The following DIP2B variants were observed in gnomAD, a reference collection of about 807,000 sequenced individuals.
The protein encoded by DIP2B is disco-interacting protein 2 homolog B.
A neutral mutation model predicts 198.0 loss-of-function variants in DIP2B; 76 were observed. The observed-to-expected ratio is 0.38, with a 90% CI of 0.32 to 0.46. The LOEUF is 0.46. Among genes scored for constraint, DIP2B ranks in the 20% least tolerant of loss-of-function variants. DIP2B has a pLI of 0.99. For missense variants in DIP2B, 1,559 were observed against 1,978.4 expected, an observed-to-expected ratio of 0.79 and a Z score of 4.02; for synonymous variants, 701 against 739.1, an observed-to-expected ratio of 0.95 and a Z score of 0.84.
intron 1 of DIP2B, among the ~76,000 whole-genome samples, chr12:50,541,524 G>A (rs1958325952): frequency 6.6e-6 from 1 of 151,444 alleles, no homozygotes; most frequent in Non-Finnish European, 1.5e-5. Context: ...GCTTACTGTA[G>A]CTCTTCATAT....
At chr12:50,632,971 A>G (rs75857907) in intron 2 of DIP2B, among the ~76,000 whole-genome samples, 294 of 151,688 alleles carry the variant, frequency 1.9e-3, no homozygotes, top group African/African-American at 6.9e-3. Flanking sequence ...TAGAGACAGG[A>G]TCTCGCTATG....
At chr12:50,566,135 T>C (rs979707388) in intron 1 of DIP2B, among the ~76,000 whole-genome samples, 8 of 152,152 alleles carry the variant, frequency 5.3e-5, no homozygotes, top group Admixed American at 5.2e-4. Context: ...CTCAACCTCC[T>C]GAACTCAAGT....
chr12:50,570,702 C>T (rs576771889), intron 1 of DIP2B, among the ~76,000 whole-genome samples: 12 of 152,318 alleles, frequency 7.9e-5, no homozygotes, highest in African/African-American at 1.2e-4. Flanking sequence ...GAGTGAAACT[C>T]GGTCCCCCAA....
At chr12:50,697,261 G>C in intron 17 of DIP2B, 86 bp downstream of exon 17, 1 of 1,180,096 alleles carries the variant, frequency 8.5e-7, no homozygotes, top group Non-Finnish European at 1.2e-6. Flanking sequence ...ACCAACGGAT[G>C]TTAACTAATT....
chr12:50,678,444 C>G (rs952261152), intron 7 of DIP2B, among the ~76,000 whole-genome samples: 2 of 152,088 alleles, frequency 1.3e-5, no homozygotes, highest in Admixed American at 1.3e-4. Flanking sequence ...CAGTGATTTG[C>G]TTTGTCAGGG....
rs182303692 is a variant in DIP2B, at chr12:50,715,465, C to T, written c.2851+869C>T. On this transcript the variant is annotated intron_variant, in intron 23 of 37. Transcript: ENST00000301180. ...GGCAGAAGCAACAAAGCAAGCCAAG[C>T]CACATGAGCATATTTAAAGCTTCTG... 5.9e-5 allele frequency among the ~76,000 whole-genome samples: 9 copies of T among 152,150 alleles called. No homozygotes were observed. The East Asian group carries it at 1.5e-3, about 26-fold the overall frequency.
intron 8 of DIP2B, chr12:50,679,770 A>G (rs1288709528): frequency 6.6e-6 from 1 of 152,262 alleles, no homozygotes; most frequent in African/African-American, 2.4e-5. Flanking sequence ...TTTATTTAAC[A>G]TCTATGAATA....
chr12:50,571,426 G>A (rs889799794), intron 1 of DIP2B, among the ~76,000 whole-genome samples: 1 of 152,022 alleles, frequency 6.6e-6, no homozygotes, highest in African/African-American at 2.4e-5. Flanking sequence ...CCCTGCCTTG[G>A]CCTCCCAAAG....
At chr12:50,556,526 T>G (rs1246678397) in intron 1 of DIP2B, among the ~76,000 whole-genome samples, 1 of 151,738 alleles carries the variant, frequency 6.6e-6, no homozygotes, top group African/African-American at 2.4e-5. Context: ...AAGGGCTGTT[T>G]ATTGACTTAA....
chr12:50,661,360 A>G (rs925036412), intron 4 of DIP2B, among the ~76,000 whole-genome samples: 3 of 152,100 alleles, frequency 2.0e-5, no homozygotes, highest in Admixed American at 6.5e-5. Context: ...ACAGCTGTCA[A>G]GTTGTTGAGC....
intron 22 of DIP2B, among the ~76,000 whole-genome samples, chr12:50,712,379 A>C (rs1047286081): frequency 6.8e-6 from 1 of 146,684 alleles, no homozygotes; most frequent in Non-Finnish European, 1.5e-5. Flanking sequence ...CGAGGCAGGC[A>C]GATCACTTGA....
rs371139567 is a variant in DIP2B at position 50,699,164 on chromosome 12, T to C, written c.2287T>C (p.Tyr763His). The C allele has an allele frequency of 6.2e-7, 1 of 1,614,086 alleles. No homozygotes were observed. The highest frequency in any genetic ancestry group is 8.5e-7 in the Non-Finnish European group (1 of 1,180,032). The change falls in exon 19 of 38, where the codon TAC (tyrosine) becomes CAC (histidine). Residue 763 changes from tyrosine (Y) to histidine (H), a missense_variant. Tyr to His is a moderately conservative substitution (Grantham distance 83, BLOSUM62 2). Transcript: ENST00000301180. ...CVSSRTGGMM[Y>H]FGLAGVTKNT... ...TAGCTCCAGAACTGGAGGCATGATG[T>C]ACTTTGGGCTTGCTGGTGTGACAAA...
intron 1 of DIP2B, among the ~76,000 whole-genome samples, chr12:50,529,699 C>T (rs1163525062): frequency 2.6e-5 from 4 of 151,806 alleles, no homozygotes; most frequent in African/African-American, 7.3e-5. Context: ...CTCAGAGCTA[C>T]AATCCAAAAA....
chr12:50,666,915 G>A (rs555566444), intron 4 of DIP2B, among the ~76,000 whole-genome samples: 2 of 152,084 alleles, frequency 1.3e-5, no homozygotes, highest in Non-Finnish European at 1.5e-5. Flanking sequence ...CCAGCTACTC[G>A]GGACGCTGAG....
At chr12:50,574,270 A>G (rs1446270176) in intron 1 of DIP2B, among the ~76,000 whole-genome samples, 1 of 152,252 alleles carries the variant, frequency 6.6e-6, no homozygotes, top group African/African-American at 2.4e-5. Flanking sequence ...TTTATGATTT[A>G]GAAAGGCCAA....
At chr12:50,558,879 G>T (rs1229505768) in intron 1 of DIP2B, among the ~76,000 whole-genome samples, 1 of 152,104 alleles carries the variant, frequency 6.6e-6, no homozygotes, top group East Asian at 1.9e-4. Context: ...GCAAAGAGAA[G>T]GATTCACTGA....
At chr12:50,653,004 T>G (rs1005959949) in intron 3 of DIP2B, among the ~76,000 whole-genome samples, 21 of 151,844 alleles carry the variant, frequency 1.4e-4, no homozygotes, top group African/African-American at 4.6e-4. Context: ...AGTGCAGCGG[T>G]GTGATCATAG....
At chr12:50,700,356 G>T (rs1033244595) in intron 19 of DIP2B, among the ~76,000 whole-genome samples, 7 of 152,168 alleles carry the variant, frequency 4.6e-5, no homozygotes, top group South Asian at 4.1e-4. Context: ...TTTTAGGGAC[G>T]AGAGAAATTC....
At position 50,505,016 on chromosome 12, in the gene DIP2B, C is replaced by CGGCGGCGGCGGCGGT; in HGVS notation, c.-117_-116insCGGCGGTGGCGGCGG. 1.0e-6 allele frequency: 1 copy of CGGCGGCGGCGGCGGT among 979,124 alleles called. No homozygotes were observed. Among genetic ancestry groups the CGGCGGCGGCGGCGGT allele is most frequent in the Non-Finnish European group, 1.5e-6 (1 of 669,564 alleles). The allele number at this position is 979,124 out of a possible 1,614,324, so 60.7% of individuals were successfully genotyped here. A position where few individuals can be genotyped will look rare whatever the true frequency, so the allele number is the denominator to read the frequency against. ...CCTTTGCTCATGGCGGCGGCGGCGG[C>CGGCGGCGGCGGCGGT]GGCGGCGGTGCTGGTGGTGCTCGGC... On this transcript the variant is annotated 5_prime_UTR_variant, in exon 1 of 38. Coordinates refer to ENST00000301180, the MANE Select transcript of DIP2B (RefSeq NM_173602.3).
Sources: allele counts gnomAD v4.1 joint callset (sites outside exome capture counted in the v4.1 genomes callset), GRCh38; gene constraint gnomAD v4.1.1; transcripts MANE v1.5; gene names NCBI Gene and HGNC (gene_info 2026-07-23, HGNC 2026-07-21).